Variants in ZNF831 observed in about 807,000 individuals in gnomAD.
ZNF831 encodes zinc finger protein 831.
ZNF831 carries 59 observed loss-of-function variants against 95.8 expected under a neutral mutation model. The observed-to-expected ratio is 0.62, with a 90% CI of 0.50 to 0.77. ZNF831 has a LOEUF of 0.77. Among genes scored for constraint, ZNF831 ranks in the 30% least tolerant of loss-of-function variants. The pLI is 0.00. For synonymous variants in ZNF831, 961 were observed against 925.5 expected (o/e 1.04, Z -0.70); for missense variants, 2,205 against 2,164.0 (o/e 1.02, Z -0.38).
intron 4 of ZNF831, among the ~76,000 whole-genome samples, chr20:59,222,382 C>T (rs1162457645): frequency 6.6e-6 from 1 of 152,116 alleles, no homozygotes; most frequent in Non-Finnish European, 1.5e-5. Flanking sequence ...AGCCGCCTAG[C>T]CACGTGGATG....
chr20:59,201,891 A>C (rs1284335428), intron 3 of ZNF831, among the ~76,000 whole-genome samples: 2 of 152,362 alleles, frequency 1.3e-5, no homozygotes, highest in South Asian at 4.1e-4. Context: ...GCTGTGGTCA[A>C]TTGATTTTTC....
chr20:59,154,010 G>A (rs1311559387), intron 2 of ZNF831, among the ~76,000 whole-genome samples: 1 of 152,142 alleles, frequency 6.6e-6, no homozygotes, highest in Admixed American at 6.5e-5. Flanking sequence ...CAGCCTGGTG[G>A]GTTGGTCATG....
At chr20:59,133,250 C>T (rs2558122) in intron 1 of ZNF831, among the ~76,000 whole-genome samples, 14 of 5,120 alleles carry the variant, frequency 2.7e-3, no homozygotes, top group Non-Finnish European at 0.01. Flanking sequence ...TGCTATGCTC[C>T]GGTCCTGCAT....
At chr20:59,225,413 C>T (rs1438490189) in intron 4 of ZNF831, among the ~76,000 whole-genome samples, 1 of 152,172 alleles carries the variant, frequency 6.6e-6, no homozygotes, top group African/African-American at 2.4e-5. Context: ...AGTTTCACTA[C>T]TCAATAAATT....
intron 1 of ZNF831, among the ~76,000 whole-genome samples, chr20:59,174,769 C>A (rs1401094990): frequency 2.0e-5 from 3 of 152,060 alleles, no homozygotes; most frequent in Non-Finnish European, 4.4e-5. Context: ...AAAAAAACAC[C>A]CCAAAACAAA....
chr20:59,168,011 G>T (rs1366376460), intron 1 of ZNF831, among the ~76,000 whole-genome samples: 1 of 152,048 alleles, frequency 6.6e-6, no homozygotes, highest in Non-Finnish European at 1.5e-5. Context: ...AAGTTATCAA[G>T]TTAGGTAGAC....
At position 59,254,331 on chromosome 20, in the gene ZNF831, C is replaced by T. The variant is rs1168817786; in HGVS notation, c.4622C>T (p.Thr1541Ile). 1.9e-6 allele frequency: 3 copies of T among 1,613,944 alleles called. No homozygotes were observed. The highest frequency in any genetic ancestry group is 1.3e-5 in the African/African-American group (1 of 74,890). Residue 1541 changes from threonine (T) to isoleucine (I), a missense_variant, in exon 6 of 6, where the codon ACC (threonine) becomes ATC (isoleucine). By Grantham distance (89) the Thr-to-Ile change is moderately conservative. Coordinates refer to ENST00000371030, the MANE Select transcript of ZNF831 (RefSeq NM_178457.3). The surrounding 1 kb of genome is among the most constrained non-coding windows in gnomAD (Gnocchi z 4.5). ...GTCACAGAAGAGGGCAGAGCACAGA[C>T]CCTCTTGCCAGGGAGACCTTCATCT... The part of the protein sequence containing the change: ...SKVTEEGRAQ[T>I]LLPGRPSSGQ...
chr20:59,215,910 G>A (rs949819026), intron 4 of ZNF831, among the ~76,000 whole-genome samples: 1 of 152,038 alleles, frequency 6.6e-6, no homozygotes, highest in African/African-American at 2.4e-5. Flanking sequence ...GCCAGAATCT[G>A]TTGTGAGCTG....
Position 59,253,868 on chromosome 20 carries a change from A to AC in ZNF831, c.4189-29dup, listed in dbSNP as rs11471699. On this transcript the variant is annotated intron_variant, in intron 5 of 5. Transcript: ENST00000371030. ...TTTGTACCAATTAACCTCCCCCCCC[A>AC]CTTTTTTTTTCCTTTGCACTTTGTT... 9.6e-5 allele frequency: 92 copies of AC among 955,986 alleles called. 14 individuals carry two copies. In the East Asian group the frequency reaches 1.1e-3, roughly 12 times the overall value. 59.2% of individuals were successfully genotyped at this position (955,986 alleles called of 1,614,324 possible).
At chr20:59,184,727 C>G (rs1170394024) in intron 1 of ZNF831, among the ~76,000 whole-genome samples, 2 of 152,200 alleles carry the variant, frequency 1.3e-5, no homozygotes, top group Admixed American at 6.5e-5. Context: ...CCATGGCCTT[C>G]TCTTTCGGGG....
At position 59,193,497 on chromosome 20, in the gene ZNF831, A is replaced by G; in HGVS notation, c.2478A>G (p.Lys826=). ...DKLPSERKKL[K]VEDLHSWKQP... ...TCCCCTCAGAGAGGAAGAAGCTGAA[A>G]GTGGAGGACCTGCACAGCTGGAAGC... The change falls in exon 2 of 6, where the codon AAA becomes AAG. Residue 826 remains lysine, a synonymous_variant. Coordinates refer to ENST00000371030, the MANE Select transcript of ZNF831 (RefSeq NM_178457.3). 1 of 1,610,950 alleles carries G rather than the reference A, an allele frequency of 6.2e-7. No homozygotes were observed. The highest frequency in any genetic ancestry group is 8.5e-7 in the Non-Finnish European group (1 of 1,178,494).
intron 1 of ZNF831, among the ~76,000 whole-genome samples, chr20:59,164,690 TCAGCCACC>T (rs1439288416): frequency 1.3e-5 from 2 of 152,202 alleles, no homozygotes; most frequent in African/African-American, 4.8e-5. Flanking sequence ...ATTCTACTGA[TCAGCCACC>T]CAAGGGTAGC....
intron 4 of ZNF831, among the ~76,000 whole-genome samples, chr20:59,233,800 C>T (rs1036039406): frequency 6.6e-6 from 1 of 152,200 alleles, no homozygotes; most frequent in Non-Finnish European, 1.5e-5. Flanking sequence ...CAAGCCCTCT[C>T]TAATTTTCTT....
intron 1 of ZNF831, among the ~76,000 whole-genome samples, chr20:59,173,188 C>A (rs1981877592): frequency 6.6e-6 from 1 of 152,234 alleles, no homozygotes; most frequent in Non-Finnish European, 1.5e-5. Flanking sequence ...CTAGGTCCAA[C>A]AAGATGTCCT....
chr20:59,225,621 G>C (rs1186156092), intron 4 of ZNF831, among the ~76,000 whole-genome samples: 1 of 152,196 alleles, frequency 6.6e-6, no homozygotes, highest in African/African-American at 2.4e-5. Context: ...TTTTCCAGGG[G>C]ACAGGAGCAG....
intron 4 of ZNF831, among the ~76,000 whole-genome samples, chr20:59,247,857 G>A (rs866259737): frequency 1.3e-5 from 2 of 152,152 alleles, no homozygotes; most frequent in Non-Finnish European, 1.5e-5. Flanking sequence ...TGAGCAGTGC[G>A]TTTATAGCAT....
At chr20:59,128,387 A>G (rs1205806788) in intron 1 of ZNF831, among the ~76,000 whole-genome samples, 2 of 152,174 alleles carry the variant, frequency 1.3e-5, no homozygotes, top group Non-Finnish European at 2.9e-5. Context: ...AGTCATTCCT[A>G]GAAGGGACCC....
In ZNF831 at chr20:59,194,467, C is replaced by A. The variant is rs2146599963; in HGVS notation, c.3448C>A (p.Leu1150Met). Residue 1150 changes from leucine (L) to methionine (M), a missense_variant, in exon 2 of 6, where the codon CTG becomes ATG. Transcript: ENST00000371030. ...GGGTGTGCCCCCAGGCTGGCCAGAGCTGGCCTTGTCTTCCCACTCAGGGAC... is the reference window on the plus strand; with the variant it reads ...GGGTGTGCCCCCAGGCTGGCCAGAGATGGCCTTGTCTTCCCACTCAGGGAC... ...PQGVPPGWPE[L>M]ALSSHSGTSR... 1 of 1,613,088 alleles carries A rather than the reference C, an allele frequency of 6.2e-7. No homozygotes were observed. Among genetic ancestry groups the A allele is most frequent in the Non-Finnish European group, 8.5e-7 (1 of 1,179,732 alleles).
intron 1 of ZNF831, among the ~76,000 whole-genome samples, 51 bp downstream of exon 1, chr20:59,164,258 A>G (rs909007624): frequency 1.3e-5 from 2 of 152,334 alleles, no homozygotes; most frequent in East Asian, 3.9e-4. Context: ...CAGTTAAAAA[A>G]AAACTCTTTT....
Sources: gnomAD v4.1 joint callset for allele counts (sites outside exome capture counted in the v4.1 genomes callset) on GRCh38, gnomAD v4.1.1 for gene constraint, Gnocchi (gnomAD v3.1) non-coding constraint, MANE v1.5 for transcripts, NCBI Gene and HGNC (gene_info 2026-07-23, HGNC 2026-07-21) for gene names.